Variants in PPM1A observed in about 807,000 individuals in gnomAD.
PPM1A encodes the protein protein phosphatase, Mg2+/Mn2+ dependent 1A, also known as protein phosphatase 1A.
PPM1A carries 7 observed loss-of-function variants against 35.0 expected under a neutral mutation model. The observed-to-expected ratio is 0.20, with a 90% confidence interval of 0.11 to 0.38. The LOEUF (loss-of-function observed/expected upper bound fraction) is 0.38. Among genes scored for constraint, PPM1A ranks in the 10% least tolerant of loss-of-function variants. PPM1A has a pLI of 1.00. For missense variants in PPM1A, 239 were observed against 467.8 expected (o/e 0.51, Z 4.51); for synonymous variants, 153 against 167.3 (o/e 0.91, Z 0.66).
At position 60,293,546 on chromosome 14, in the gene PPM1A, A is replaced by G. The variant is rs1254072196; in HGVS notation, c.*1064A>G. 6 of 151,968 alleles carry G rather than the reference A, an allele frequency of 3.9e-5. No homozygotes were observed. The highest frequency in any genetic ancestry group is 9.7e-5 in the African/African-American group (4 of 41,416). 9.4% of individuals were successfully genotyped at this position (151,968 alleles called of 1,614,324 possible). ...TTAATTCTTGGTTGTACCTTAATCT[A>G]TTTTTTAAATAGGTTTCTTTCAGGC... On this transcript the variant is annotated 3_prime_UTR_variant, in exon 6 of 6. Coordinates refer to ENST00000395076, the MANE Select transcript of PPM1A (RefSeq NM_021003.5). The surrounding 1 kb of genome is among the most constrained non-coding windows in gnomAD (Gnocchi z 4.0).
intron 1 of PPM1A, among the ~76,000 whole-genome samples, chr14:60,261,977 A>G (rs1400438020): frequency 2.0e-5 from 3 of 152,198 alleles, no homozygotes; most frequent in East Asian, 3.8e-4. Flanking sequence ...GGATGATTAT[A>G]TATTTTAAAT....
chr14:60,266,592 A>C (rs1884405928), intron 1 of PPM1A, among the ~76,000 whole-genome samples: 1 of 152,174 alleles, frequency 6.6e-6, no homozygotes. Context: ...AGTGGAAAAG[A>C]TCAGCTTTCA....
At chr14:60,257,282 A>G (rs539833904) in intron 1 of PPM1A, among the ~76,000 whole-genome samples, 2 of 152,340 alleles carry the variant, frequency 1.3e-5, no homozygotes, top group African/African-American at 2.4e-5. Context: ...TATACTATAA[A>G]TGGTAACTTC....
In PPM1A at chr14:60,283,380, G is replaced by A; in HGVS notation, c.677G>A (p.Arg226Lys). The A allele has an allele frequency of 1.2e-6, 2 of 1,614,198 alleles. No individual in the cohort carries two copies. The highest frequency in any genetic ancestry group is 2.2e-5 in the South Asian group (2 of 91,080). ...GAGCCTGAAGTCCATGATATTGAAA[G>A]ATCTGAAGAAGATGATCAGTTCATT... ...SPEPEVHDIE[R>K]SEEDDQFIIL... Residue 226 changes from arginine (R) to lysine (K), a missense_variant, in exon 2 of 6, where the codon AGA (arginine) becomes AAA (lysine). Arg to Lys is a conservative substitution (Grantham distance 26). Around this residue, in one of 2 missense-constraint regions of PPM1A, gnomAD observed 175 missense variants for 389.2 expected, o/e 0.45. Coordinates refer to ENST00000395076, the MANE Select transcript of PPM1A (RefSeq NM_021003.5). This position sits in a 1 kb window ranked among gnomAD's most constrained non-coding sequence, Gnocchi z 6.3.
intron 1 of PPM1A, among the ~76,000 whole-genome samples, chr14:60,271,747 G>A (rs370550066): frequency 7.3e-5 from 11 of 151,514 alleles, no homozygotes; most frequent in Non-Finnish European, 2.9e-5. Context: ...AAATAATTTT[G>A]TGTGTCTCTT....
At chr14:60,246,265 C>T (rs1390137667), upstream of PPM1A, among the ~76,000 whole-genome samples, 1 of 152,048 alleles carries the variant, frequency 6.6e-6, no homozygotes, top group Non-Finnish European at 1.5e-5. Flanking sequence ...GAATGTAAAC[C>T]TTTTTTTAAG....
intron 1 of PPM1A, among the ~76,000 whole-genome samples, chr14:60,265,381 C>A (rs528033152): frequency 1.3e-5 from 2 of 152,096 alleles, no homozygotes; most frequent in Admixed American, 1.3e-4. Context: ...CTTTTTAGTC[C>A]CTGTTACTAT....
At position 60,282,587 on chromosome 14, in the gene PPM1A, A is replaced by C; in HGVS notation, c.-20-97A>C. The C allele has an allele frequency of 1.4e-6, 2 of 1,443,920 alleles. No individual in the cohort carries two copies. The highest frequency in any genetic ancestry group is 1.9e-6 in the Non-Finnish European group (2 of 1,071,552). The allele number at this position is 1,443,920 out of a possible 1,614,324, so 89.4% of individuals were successfully genotyped here. Reference sequence around the variant, plus strand: ...GAATGTCTGCTTATCGCGAGTTGTGAATTCCCGCATATCTCTTTCACTTAT... The same window carrying C: ...GAATGTCTGCTTATCGCGAGTTGTGCATTCCCGCATATCTCTTTCACTTAT... On this transcript the variant is annotated intron_variant, in intron 1 of 5. Coordinates refer to ENST00000395076, the MANE Select transcript of PPM1A (RefSeq NM_021003.5). This position sits in a 1 kb window ranked among gnomAD's most constrained non-coding sequence, Gnocchi z 5.1.
intron 1 of PPM1A, among the ~76,000 whole-genome samples, chr14:60,269,577 C>A (rs1473112514): frequency 2.0e-5 from 3 of 152,156 alleles, no homozygotes; most frequent in Admixed American, 2.0e-4. Flanking sequence ...TTGAGACAGT[C>A]TTGCTCTGTC....
chr14:60,290,530 A>G (rs889071328), intron 4 of PPM1A, among the ~76,000 whole-genome samples: 1 of 152,210 alleles, frequency 6.6e-6, no homozygotes, highest in Non-Finnish European at 1.5e-5. Flanking sequence ...CCAAGGGTTA[A>G]AACATTTTTA....
At chr14:60,246,066 T>A, upstream of PPM1A, 94 of 1,056,300 alleles carry the variant, frequency 8.9e-5, no homozygotes, top group Non-Finnish European at 1.2e-4. Context: ...GAGGAAGGAA[T>A]TGTTGAACCT....
At chr14:60,264,811 A>G (rs1884185279) in intron 1 of PPM1A, among the ~76,000 whole-genome samples, 2 of 151,834 alleles carry the variant, frequency 1.3e-5, no homozygotes, top group African/African-American at 4.8e-5. Context: ...ATTTTTTTTA[A>G]ATATTCAGGC....
At chr14:60,246,715 G>C (rs1191943484), upstream of PPM1A, among the ~76,000 whole-genome samples, 1 of 152,134 alleles carries the variant, frequency 6.6e-6, no homozygotes, top group Non-Finnish European at 1.5e-5. Flanking sequence ...TATTTAATCA[G>C]ACAATATTGA....
In PPM1A at chr14:60,266,909, C is replaced by T. The variant is rs568458759; in HGVS notation, c.-20-15775C>T. ...TCTTCACAATTTTGAATCTTCCTAT[C>T]CAAGAAAAAGAAGTGTGTGTTATTC... On this transcript the variant is annotated intron_variant, in intron 1 of 5. Coordinates refer to ENST00000395076, the MANE Select transcript of PPM1A (RefSeq NM_021003.5). Among the ~76,000 whole-genome samples, 11 of 152,108 alleles carry T rather than the reference C, an allele frequency of 7.2e-5. No individual in the cohort carries two copies. The South Asian group carries it at 2.3e-3, about 32-fold the overall frequency.
chr14:60,253,486 T>G (rs1381271277), intron 1 of PPM1A, among the ~76,000 whole-genome samples: 2 of 152,114 alleles, frequency 1.3e-5, no homozygotes, highest in Non-Finnish European at 2.9e-5. Context: ...TATTACTGAG[T>G]GGATTTTTCC....
chr14:60,249,728 C>CGCG lies in PPM1A; in HGVS notation c.-21+65_-21+67dup, dbSNP rs554279419. The stretch of plus-strand genomic sequence containing the variant: ...CGGGCTGGCGGGCGGTGCGGGCCTG[C>CGCG]GCGGCGGCGGCGGCGGGCAGGCCTG... On this transcript the variant is annotated intron_variant, in intron 1 of 5. Transcript: ENST00000395076. The surrounding 1 kb of genome is among the most constrained non-coding windows in gnomAD (Gnocchi z 4.5). 98 of 968,598 alleles carry CGCG rather than the reference C, an allele frequency of 1.0e-4. 1 individual carries two copies. In the Middle Eastern group the frequency reaches 1.6e-3, roughly 16 times the overall value. 60.0% of individuals were successfully genotyped at this position (968,598 alleles called of 1,614,324 possible).
At chr14:60,246,078 T>G (rs372303120), upstream of PPM1A, 9 of 1,529,062 alleles carry the variant, frequency 5.9e-6, no homozygotes, top group Non-Finnish European at 7.9e-6. Flanking sequence ...GTTGAACCTA[T>G]GTTCTGGTTG....
intron 1 of PPM1A, among the ~76,000 whole-genome samples, chr14:60,266,010 T>C (rs1000483413): frequency 6.6e-6 from 1 of 152,208 alleles, no homozygotes; most frequent in Non-Finnish European, 1.5e-5. Flanking sequence ...TTCAGAAAGA[T>C]ACTAGTTGAC....
intron 1 of PPM1A, among the ~76,000 whole-genome samples, chr14:60,256,297 G>A (rs1000572602): frequency 6.6e-6 from 1 of 152,098 alleles, no homozygotes; most frequent in African/African-American, 2.4e-5. Flanking sequence ...CACGGGCATG[G>A]TGGCCACCCG....
Sources: gnomAD v4.1 joint callset for allele counts (sites outside exome capture counted in the v4.1 genomes callset) on GRCh38, gnomAD v4.1.1 for gene constraint, gnomAD v4.1.1 regional missense constraint, Gnocchi (gnomAD v3.1) non-coding constraint, MANE v1.5 for transcripts, NCBI Gene and HGNC (gene_info 2026-07-23, HGNC 2026-07-21) for gene names.